The following SLC12A8 variants were observed in gnomAD, a reference collection of about 807,000 sequenced individuals.
The protein encoded by SLC12A8 is solute carrier family 12 member 8.
In SLC12A8, 69 loss-of-function variants were observed where a neutral mutation model predicts 75.6. The observed-to-expected ratio is 0.91, with a 90% CI of 0.75 to 1.11. The LOEUF is 1.11. SLC12A8 is among the 50% of genes most tolerant of loss of function. The probability of loss-of-function intolerance (pLI) is 0.00; values close to 1 mark genes in which losing one functional copy is unlikely to be tolerated. For synonymous variants in SLC12A8, 365 were observed against 372.8 expected (o/e 0.98, Z 0.24); for missense variants, 877 against 896.7 (o/e 0.98, Z 0.28).
intron 4 of SLC12A8, among the ~76,000 whole-genome samples, chr3:125,180,233 G>A (rs1051083909): frequency 6.6e-6 from 1 of 152,194 alleles, no homozygotes; most frequent in African/African-American, 2.4e-5. Flanking sequence ...TAAGGGCATG[G>A]TGGTTAGGAG....
At chr3:125,135,813 C>A in intron 5 of SLC12A8, 31 bp from the exon 6 acceptor site, 1 of 1,319,398 alleles carries the variant, frequency 7.6e-7, no homozygotes, top group Non-Finnish European at 1.1e-6. Flanking sequence ...GCAACGTAAG[C>A]CCAGTGAGAA....
chr3:125,083,118 T>C lies in SLC12A8; in HGVS notation c.*772A>G, dbSNP rs1938367415. ...AGACAGGAACTGAGCAGGTGGAGAA[T>C]AAGGATTGGAGGGAGACTTTTCACT... On this transcript the variant is annotated 3_prime_UTR_variant, in exon 14 of 14. Coordinates refer to ENST00000469902, the MANE Select transcript of SLC12A8 (RefSeq NM_024628.6). 6.6e-6 allele frequency: 1 copy of C among 152,204 alleles called. No homozygotes were observed. The highest frequency in any genetic ancestry group is 6.5e-5 in the Admixed American group (1 of 15,284). 9.4% of individuals were successfully genotyped at this position (152,204 alleles called of 1,614,324 possible). A position where few individuals can be genotyped will look rare whatever the true frequency, so the allele number is the denominator to read the frequency against.
Position 125,208,785 on chromosome 3 carries a change from CACACACAGAGAGAG to C in SLC12A8, c.51+2500_51+2513del, listed in dbSNP as rs1935277178. Among the ~76,000 whole-genome samples the C allele has an allele frequency of 4.1e-5, 4 of 98,606 alleles. No individual in the cohort carries two copies. The South Asian group carries it at 1.4e-3, about 33-fold the overall frequency. 64.7% of individuals were successfully genotyped at this position (98,606 alleles called of 152,430 possible). The stretch of plus-strand genomic sequence containing the variant: ...ACACACACACACACACACACACACA[CACACACAGAGAGAG>C]AGAGAGAGAGAGAGAGAGAGAGAGA... On this transcript the variant is annotated intron_variant, in intron 2 of 13. Coordinates refer to ENST00000469902, the MANE Select transcript of SLC12A8 (RefSeq NM_024628.6).
At chr3:125,142,825 AG>A (rs1242977970) in intron 5 of SLC12A8, among the ~76,000 whole-genome samples, 4 of 152,202 alleles carry the variant, frequency 2.6e-5, no homozygotes, top group Non-Finnish European at 5.9e-5. Flanking sequence ...GCCCACTCTC[AG>A]GCCTCTCAGG....
intron 4 of SLC12A8, among the ~76,000 whole-genome samples, chr3:125,181,064 G>T (rs1488164838): frequency 6.6e-6 from 1 of 152,162 alleles, no homozygotes; most frequent in African/African-American, 2.4e-5. Context: ...GTTTAATTAT[G>T]ACTTCTGAGG....
intron 5 of SLC12A8, among the ~76,000 whole-genome samples, chr3:125,138,759 G>GCTGAGC (rs796397128): frequency 3.0e-4 from 45 of 151,888 alleles, no homozygotes; most frequent in African/African-American, 1.0e-3. Flanking sequence ...TGCAATCCCA[G>GCTGAGC]CACTTTGGGA....
chr3:125,089,158 C>G (rs1167485831), intron 12 of SLC12A8, among the ~76,000 whole-genome samples: 1 of 152,048 alleles, frequency 6.6e-6, no homozygotes, highest in Admixed American at 6.5e-5. Flanking sequence ...TTTTAAGAGG[C>G]TTATGTTAAA....
chr3:125,160,258 A>G (rs1376974285), intron 5 of SLC12A8, among the ~76,000 whole-genome samples: 5 of 152,118 alleles, frequency 3.3e-5, no homozygotes, highest in Non-Finnish European at 7.4e-5. Flanking sequence ...TTGGTTCTCA[A>G]ATCTACCTAT....
intron 8 of SLC12A8, among the ~76,000 whole-genome samples, chr3:125,112,990 C>G (rs1047570845): frequency 6.6e-6 from 1 of 152,212 alleles, no homozygotes; most frequent in Non-Finnish European, 1.5e-5. Context: ...CATGGCATCT[C>G]CTTGCAGAAA....
chr3:125,174,618 T>A (rs899997820), intron 5 of SLC12A8, among the ~76,000 whole-genome samples: 3 of 152,186 alleles, frequency 2.0e-5, no homozygotes, highest in Non-Finnish European at 4.4e-5. Flanking sequence ...CAGTGCTACA[T>A]CCAGTTTCTT....
intron 2 of SLC12A8, among the ~76,000 whole-genome samples, chr3:125,193,452 C>A (rs1934945983): frequency 6.6e-6 from 1 of 152,214 alleles, no homozygotes; most frequent in South Asian, 2.1e-4. Context: ...TGATGCCATT[C>A]AGACTTTAGC....
intron 2 of SLC12A8, among the ~76,000 whole-genome samples, chr3:125,199,272 C>T (rs1317724019): frequency 1.3e-5 from 2 of 151,872 alleles, no homozygotes; most frequent in Non-Finnish European, 1.5e-5. Context: ...AATGATAAAG[C>T]AAAAAGGCAA....
chr3:125,201,510 G>C (rs529762263), intron 2 of SLC12A8, among the ~76,000 whole-genome samples: 1 of 152,158 alleles, frequency 6.6e-6, no homozygotes, highest in Admixed American at 6.5e-5. Context: ...TGAGGTGGCT[G>C]ATACCTGTAA....
intron 5 of SLC12A8, 95 bp downstream of exon 5, chr3:125,177,648 G>C (rs199692115): frequency 8.8e-5 from 74 of 836,362 alleles, no homozygotes; most frequent in Non-Finnish European, 1.3e-4. Flanking sequence ...GCCTATGGGG[G>C]TTAGGGGGAG....
intron 6 of SLC12A8, among the ~76,000 whole-genome samples, chr3:125,125,002 T>C (rs1054384361): frequency 1.3e-5 from 2 of 152,198 alleles, no homozygotes; most frequent in African/African-American, 4.8e-5. Context: ...AAAACCTTAA[T>C]TAGAGAGGTT....
intron 7 of SLC12A8, 165 bp from the exon 8 acceptor site, chr3:125,119,021 A>G: frequency 1.9e-6 from 1 of 518,796 alleles, no homozygotes; most frequent in South Asian, 3.0e-5. Context: ...TTTTTGTACT[A>G]TTTCTCTTCT....
chr3:125,169,435 A>G (rs1424999658), intron 5 of SLC12A8, among the ~76,000 whole-genome samples: 6 of 152,122 alleles, frequency 3.9e-5, no homozygotes, highest in African/African-American at 1.4e-4. Flanking sequence ...GGAAATGAGG[A>G]CGATGAGAAG....
rs1935316930 is a variant in SLC12A8, at chr3:125,210,560, CT to C, written c.51+738del. On this transcript the variant is annotated intron_variant, in intron 2 of 13. Transcript: ENST00000469902. The stretch of plus-strand genomic sequence containing the variant: ...AATTCCTGGGCCTCACATTTTCTGT[CT>C]GGGTTTCTTGTTCATTGTTGATTCT... Among the ~76,000 whole-genome samples the C allele has an allele frequency of 1.3e-5, 2 of 152,212 alleles. 1 individual carries two copies. The highest frequency in any genetic ancestry group is 2.9e-5 in the Non-Finnish European group (2 of 68,040).
rs1250025480 is a variant in SLC12A8 at position 125,160,849 on chromosome 3, A to C, written c.622+16894T>G. Among the ~76,000 whole-genome samples the C allele has an allele frequency of 6.3e-5, 3 of 47,496 alleles. No homozygotes were observed. The South Asian group carries it at 1.5e-3, about 24-fold the overall frequency. 31.2% of individuals were successfully genotyped at this position (47,496 alleles called of 152,430 possible). On this transcript the variant is annotated intron_variant, in intron 5 of 13. Coordinates refer to ENST00000469902, the MANE Select transcript of SLC12A8 (RefSeq NM_024628.6). ...GACTCGGAGGGAGCTGCACGGGGGC[A>C]CAGGGCACAGCCAGAGCACTGGCTG...
Sources: gnomAD v4.1 joint callset for allele counts (sites outside exome capture counted in the v4.1 genomes callset) on GRCh38, gnomAD v4.1.1 for gene constraint, MANE v1.5 for transcripts, NCBI Gene and HGNC (gene_info 2026-07-23, HGNC 2026-07-21) for gene names.